KLHDC4: variants seen among roughly 807,000 people sequenced by gnomAD.
The protein encoded by KLHDC4 is kelch domain-containing protein 4.
A neutral mutation model predicts 62.4 loss-of-function variants in KLHDC4; 90 were observed. The ratio of observed to expected loss-of-function variants is 1.44; its 90% CI spans 1.22 to 1.72. The LOEUF (loss-of-function observed/expected upper bound fraction) is 1.72. KLHDC4 is among the 40% of genes most tolerant of loss of function. The pLI, the probability that KLHDC4 is intolerant of heterozygous loss-of-function variation, is 0.00. For synonymous variants in KLHDC4, 386 were observed against 284.4 expected, an observed-to-expected ratio of 1.36 and a Z score of -3.59; for missense variants, 1,025 against 699.7, an observed-to-expected ratio of 1.47 and a Z score of -5.25.
intron 11 of KLHDC4, 47 bp downstream of exon 11, chr16:87,708,303 C>G (rs1041018324): frequency 1.6e-6 from 2 of 1,277,580 alleles, no homozygotes; most frequent in African/African-American, 3.0e-5. Flanking sequence ...AAAAGCCTTT[C>G]ACGAACACCC....
rs568246206 is a variant in KLHDC4, at chr16:87,709,845, C to T, written c.1045-178G>A. ...GTGCAGGCACTGGGCTGCAGGAGCA[C>T]GCTCCTGTCTCCCACTAGCCTCGCC... On this transcript the variant is annotated intron_variant, in intron 9 of 11. Coordinates refer to ENST00000270583, the MANE Select transcript of KLHDC4 (RefSeq NM_017566.4). 1.0e-4 allele frequency: 70 copies of T among 695,860 alleles called. 2 individuals are homozygous for T. In the Middle Eastern group the frequency reaches 1.0e-3, roughly 10 times the overall value. 43.1% of individuals were successfully genotyped at this position (695,860 alleles called of 1,614,324 possible).
chr16:87,708,433 T>A lies in KLHDC4; in HGVS notation c.1481A>T (p.Glu494Val). 2 of 1,610,760 alleles carry A rather than the reference T, an allele frequency of 1.2e-6. No individual in the cohort carries two copies. The highest frequency in any genetic ancestry group is 1.7e-6 in the Non-Finnish European group (2 of 1,178,842). ...GCCCTCAACCTCCTCACTGTCCTCT[T>A]CCGAGTCCGTCTCCTCCAGCCACTC... ...TQEWLEETDSEEDSEEVEGAE... is the reference protein window; with the variant it reads ...TQEWLEETDSVEDSEEVEGAE... Residue 494 changes from glutamate to valine, a missense_variant, in exon 11 of 12, where the codon GAA (glutamate) becomes GTA (valine). Transcript: ENST00000270583.
chr16:87,745,494 T>A (rs1447221420), intron 5 of KLHDC4, among the ~76,000 whole-genome samples: 1 of 152,274 alleles, frequency 6.6e-6, no homozygotes, highest in Non-Finnish European at 1.5e-5. Flanking sequence ...ACTTTCCCTG[T>A]GGCATCATCT....
chr16:87,700,656 G>A (rs1312914232), exon 1 of KLHDC4: 2 of 241,284 alleles, frequency 8.3e-6, no homozygotes, highest in Non-Finnish European at 1.6e-5. Context: ...GGCAGAGGGA[G>A]GAGGGCAGAG....
Position 87,709,426 on chromosome 16 carries a change from G to C in KLHDC4, c.1286C>G (p.Pro429Arg), listed in dbSNP as rs146200414. The C allele has an allele frequency of 1.2e-6, 2 of 1,612,922 alleles. No individual in the cohort carries two copies. The highest frequency in any genetic ancestry group is 8.5e-7 in the Non-Finnish European group (1 of 1,179,932). ...CAGCATGGCGTTGGAGCGTGGACAC[G>C]GCCCAGGTGCGGGGCTGCCGGCCTC... The part of the protein sequence containing the change: ...LEEAGSPAPG[P>R]CPRSNAMLAV... Residue 429 changes from proline (P) to arginine (R), a missense_variant, in exon 10 of 12, where the codon CCG becomes CGG. Pro to Arg is a moderately radical substitution (Grantham distance 103). Coordinates refer to ENST00000270583, the MANE Select transcript of KLHDC4 (RefSeq NM_017566.4).
Position 87,727,381 on chromosome 16 carries a change from G to A in KLHDC4, c.600-457C>T, listed in dbSNP as rs116694374. Reference sequence around the variant, plus strand: ...GGTGTGCAACCGTAAGGGCAGCAGTGAATGGCGCCTCCAAAGGGATGATCA... The same window carrying A: ...GGTGTGCAACCGTAAGGGCAGCAGTAAATGGCGCCTCCAAAGGGATGATCA... On this transcript the variant is annotated intron_variant, in intron 6 of 11. Transcript: ENST00000270583. Among the ~76,000 whole-genome samples the A allele has an allele frequency of 3.6e-3, 553 of 152,366 alleles. 2 individuals carry two copies. The highest frequency in any genetic ancestry group is 0.013 in the African/African-American group (536 of 41,592).
chr16:87,730,544 G>C lies in KLHDC4; in HGVS notation c.599+8C>G, dbSNP rs1315274421. 1.2e-6 allele frequency: 2 copies of C among 1,602,412 alleles called. No homozygotes were observed. Among genetic ancestry groups the C allele is most frequent in the South Asian group, 1.1e-5 (1 of 88,548 alleles). On this transcript the variant is annotated splice_region_variant and intron_variant, in intron 6 of 11. Transcript: ENST00000270583. Reference sequence around the variant, plus strand: ...GGAGAGAAAGATTTTTCCGTTCTTGGTACCAACCGTGTACTTTCATGGAAG... The same window carrying C: ...GGAGAGAAAGATTTTTCCGTTCTTGCTACCAACCGTGTACTTTCATGGAAG...
chr16:87,723,940 G>A (rs962993197), intron 7 of KLHDC4, among the ~76,000 whole-genome samples: 8 of 152,172 alleles, frequency 5.3e-5, no homozygotes, highest in African/African-American at 1.7e-4. Flanking sequence ...GGGTTCAAGT[G>A]ATTCTCCTAT....
At chr16:87,755,631 A>G (rs2044756805) in intron 3 of KLHDC4, 1 of 206,708 alleles carries the variant, frequency 4.8e-6, no homozygotes, top group African/African-American at 2.3e-5. Flanking sequence ...CAATGGCGCA[A>G]TCTTTGCTCA....
At chr16:87,734,084 G>A (rs944044848) in intron 5 of KLHDC4, among the ~76,000 whole-genome samples, 20 of 152,214 alleles carry the variant, frequency 1.3e-4, no homozygotes, top group Non-Finnish European at 2.2e-4. Context: ...GGTGGCTCAC[G>A]CCTGTCATCC....
intron 8 of KLHDC4, among the ~76,000 whole-genome samples, chr16:87,711,778 C>A (rs1337108879): frequency 6.6e-6 from 1 of 152,216 alleles, no homozygotes; most frequent in Non-Finnish European, 1.5e-5. Flanking sequence ...TGTGGGGAGG[C>A]TGCCCTGCAC....
chr16:87,749,983 C>T (rs1001680084), intron 4 of KLHDC4, among the ~76,000 whole-genome samples: 1 of 152,296 alleles, frequency 6.6e-6, no homozygotes, highest in South Asian at 2.1e-4. Flanking sequence ...AGCACTCCGG[C>T]AGCAGGGGAT....
chr16:87,721,414 T>TTAA lies in KLHDC4; in HGVS notation c.759+5350_759+5351insTTA, dbSNP rs1348015584. ...GGGGGATAGAGCGAGACTCTGTCTC[T>TTAA]AAAAAAAAAAAAAAAAAAAAAAAAA... On this transcript the variant is annotated intron_variant, in intron 7 of 11. Transcript: ENST00000270583. Among the ~76,000 whole-genome samples the TTAA allele has an allele frequency of 2.6e-3, 209 of 78,910 alleles. 1 individual carries two copies. Among genetic ancestry groups the TTAA allele is most frequent in the African/African-American group, 7.6e-3 (147 of 19,250 alleles). 51.8% of individuals were successfully genotyped at this position (78,910 alleles called of 152,430 possible).
intron 2 of KLHDC4, among the ~76,000 whole-genome samples, chr16:87,760,299 G>A (rs186057002): frequency 5.0e-4 from 75 of 151,040 alleles, no homozygotes; most frequent in African/African-American, 1.7e-3. Context: ...AGACCAGCCT[G>A]GACAACATAA....
chr16:87,725,068 G>C (rs1407569232), intron 7 of KLHDC4, among the ~76,000 whole-genome samples: 1 of 146,200 alleles, frequency 6.8e-6, no homozygotes, highest in Non-Finnish European at 1.5e-5. Context: ...AAAGCTGAGG[G>C]AAAGAAGACT....
At chr16:87,699,487 A>C (rs1839668626) in exon 1 of KLHDC4, 1 of 152,234 alleles carries the variant, frequency 6.6e-6, no homozygotes, top group Non-Finnish European at 1.5e-5. Context: ...TGAGGTCAGG[A>C]GCTCGAGGCC....
At chr16:87,760,835 C>G (rs192644796) in intron 2 of KLHDC4, among the ~76,000 whole-genome samples, 1 of 152,000 alleles carries the variant, frequency 6.6e-6, no homozygotes, top group Non-Finnish European at 1.5e-5. Context: ...GAGTTCACGA[C>G]CAGCCAGGCC....
At chr16:87,740,375 G>A (rs1467075683) in intron 5 of KLHDC4, among the ~76,000 whole-genome samples, 1 of 152,212 alleles carries the variant, frequency 6.6e-6, no homozygotes, top group Non-Finnish European at 1.5e-5. Context: ...AGATTGACAA[G>A]TTGTGGGGGT....
chr16:87,761,877 T>G (rs1166636723), intron 2 of KLHDC4, 72 bp downstream of exon 2: 8 of 1,410,540 alleles, frequency 5.7e-6, no homozygotes, highest in Middle Eastern at 1.7e-4. Flanking sequence ...CGAAACCTGG[T>G]GCTATTTAAA....
Sources: allele counts gnomAD v4.1 joint callset (sites outside exome capture counted in the v4.1 genomes callset), GRCh38; gene constraint gnomAD v4.1.1; transcripts MANE v1.5; gene names NCBI Gene and HGNC (gene_info 2026-07-23, HGNC 2026-07-21).